The following PKD2L2 variants were observed in gnomAD, a reference collection of about 807,000 sequenced individuals.
PKD2L2 encodes polycystin-2-like protein 2.
In PKD2L2, 67 loss-of-function variants were observed where a neutral mutation model predicts 83.9. The observed-to-expected ratio is 0.80, with a 90% CI of 0.66 to 0.98. The LOEUF (loss-of-function observed/expected upper bound fraction) is 0.98, where lower values mean the gene tolerates loss of function less well. Among genes scored for constraint, PKD2L2 ranks in the 50% least tolerant of loss-of-function variants. PKD2L2 has a pLI of 0.00. For missense variants in PKD2L2, 632 were observed against 717.2 expected (o/e 0.88, Z 1.36); for synonymous variants, 223 against 237.8 (o/e 0.94, Z 0.57).
chr5:137,922,748 A>C (rs1208674265), intron 9 of PKD2L2, among the ~76,000 whole-genome samples: 1 of 152,070 alleles, frequency 6.6e-6, no homozygotes, highest in East Asian at 1.9e-4. Context: ...AAAAACAAAC[A>C]AAAAAATGCC....
chr5:137,941,928 G>C lies in PKD2L2; in HGVS notation c.*18-456G>C, dbSNP rs777539433. The C allele has an allele frequency of 1.9e-6, 3 of 1,594,580 alleles. No homozygotes were observed. The East Asian group carries it at 6.7e-5, about 36-fold the overall frequency. On this transcript the variant is annotated intron_variant, in intron 14 of 14. Coordinates refer to ENST00000508883, the MANE Select transcript of PKD2L2 (RefSeq NM_001300921.2). Reference sequence around the variant, plus strand: ...TAGAGAAGAAAGATGACTCAATTTTGTGATGCTCAACAAACCTTCCATTTT... The same window carrying C: ...TAGAGAAGAAAGATGACTCAATTTTCTGATGCTCAACAAACCTTCCATTTT...
At chr5:137,922,985 G>A (rs190771973) in intron 9 of PKD2L2, among the ~76,000 whole-genome samples, 2 of 150,058 alleles carry the variant, frequency 1.3e-5, no homozygotes, top group African/African-American at 2.4e-5. Flanking sequence ...TTTAAAATTT[G>A]ATTTTTTTTG....
rs1383177488 is a variant in PKD2L2 at position 137,921,742 on chromosome 5, T to C, written c.1435T>C (p.Phe479Leu). 1 of 1,606,334 alleles carries C rather than the reference T, an allele frequency of 6.2e-7. No individual in the cohort carries two copies. Among genetic ancestry groups the C allele is most frequent in the Non-Finnish European group, 8.5e-7 (1 of 1,175,168 alleles). Residue 479 changes from phenylalanine (F) to leucine (L), a missense_variant, in exon 9 of 15, where the codon TTC (phenylalanine) becomes CTC (leucine). By Grantham distance (22) the Phe-to-Leu change is conservative. Around this residue, in one of 3 missense-constraint regions of PKD2L2, gnomAD observed 399 missense variants for 416.9 expected, o/e 0.96. Transcript: ENST00000508883. The part of the protein sequence containing the change: ...IYFITFIFFV[F>L]FVLLNMFLAI... ...CTTCATCACTTTCATCTTTTTTGTGTTCTTTGTCCTGCTGGTAAGAATAAT... is the reference window on the plus strand; with the variant it reads ...CTTCATCACTTTCATCTTTTTTGTGCTCTTTGTCCTGCTGGTAAGAATAAT...
chr5:137,929,872 A>G (rs1759721966), intron 12 of PKD2L2, among the ~76,000 whole-genome samples: 1 of 152,178 alleles, frequency 6.6e-6, no homozygotes, highest in African/African-American at 2.4e-5. Context: ...TCAAAGACCT[A>G]AAAGGCAAAC....
intron 5 of PKD2L2, among the ~76,000 whole-genome samples, chr5:137,905,878 G>T (rs756621934): frequency 2.0e-5 from 3 of 151,968 alleles, no homozygotes; most frequent in Admixed American, 6.6e-5. Context: ...TCATTCTCCT[G>T]TGGACATAAA....
At chr5:137,892,426 T>G in intron 2 of PKD2L2, 54 bp from the exon 3 acceptor site, 1 of 1,018,548 alleles carries the variant, frequency 9.8e-7, no homozygotes, top group East Asian at 2.9e-5. Flanking sequence ...TTTTTAATCC[T>G]GATAAGCTGA....
chr5:137,929,976 T>G (rs2150057365), intron 12 of PKD2L2, among the ~76,000 whole-genome samples: 1 of 152,284 alleles, frequency 6.6e-6, no homozygotes, highest in East Asian at 1.9e-4. Flanking sequence ...GAGGCTAAGA[T>G]TAATTTTATC....
At chr5:137,913,015 G>A (rs1182672265) in intron 8 of PKD2L2, among the ~76,000 whole-genome samples, 2 of 150,390 alleles carry the variant, frequency 1.3e-5, no homozygotes, top group Non-Finnish European at 3.0e-5. Context: ...TGTTGGTCAG[G>A]CCGGTCTCAA....
intron 11 of PKD2L2, 95 bp downstream of exon 11, chr5:137,925,199 T>C: frequency 1.2e-6 from 1 of 806,010 alleles, no homozygotes; most frequent in Middle Eastern, 2.9e-4. Flanking sequence ...TGTTTGTTTG[T>C]TTGTTTTAAA....
chr5:137,910,061 A>G (rs1286740357), intron 8 of PKD2L2, among the ~76,000 whole-genome samples: 1 of 151,854 alleles, frequency 6.6e-6, no homozygotes, highest in East Asian at 1.9e-4. Flanking sequence ...CGTTTCTACA[A>G]AAAAACAAAA....
At chr5:137,937,441 G>C (rs1045501420) in intron 14 of PKD2L2, among the ~76,000 whole-genome samples, 12 of 152,192 alleles carry the variant, frequency 7.9e-5, no homozygotes, top group Non-Finnish European at 1.3e-4. Context: ...TGGAGGGTTG[G>C]AAAGTTGTGT....
Position 137,894,585 on chromosome 5 carries a change from A to ATTTTG in PKD2L2, c.501_505dup (p.Gly169ValfsTer54). ...ACTTCTGCAAATGAAGACCTCTCTAATTTTGGCCTTCAAATTAATACTGAG... is the reference window on the plus strand; with the variant it reads ...ACTTCTGCAAATGAAGACCTCTCTAATTTTGTTTTGGCCTTCAAATTAATACTGAG... On this transcript the variant is annotated frameshift_variant, in exon 4 of 15. Coordinates refer to ENST00000508883, the MANE Select transcript of PKD2L2 (RefSeq NM_001300921.2). LOFTEE classifies it high-confidence loss of function. The ATTTTG allele has an allele frequency of 1.2e-6, 2 of 1,612,136 alleles. No homozygotes were observed. Among genetic ancestry groups the ATTTTG allele is most frequent in the Non-Finnish European group, 8.5e-7 (1 of 1,178,650 alleles).
intron 12 of PKD2L2, among the ~76,000 whole-genome samples, chr5:137,928,894 C>T (rs1212117387): frequency 1.3e-5 from 2 of 152,114 alleles, no homozygotes; most frequent in South Asian, 2.1e-4. Context: ...GATTTTAAAA[C>T]ACATTTTTTT....
At chr5:137,901,414 A>C (rs894767413) in intron 5 of PKD2L2, among the ~76,000 whole-genome samples, 2 of 151,700 alleles carry the variant, frequency 1.3e-5, no homozygotes, top group Middle Eastern at 3.2e-3. Context: ...TATTCTGGAA[A>C]AAAAAAAATG....
intron 13 of PKD2L2, 37 bp downstream of exon 13, chr5:137,935,946 C>A: frequency 8.9e-7 from 1 of 1,118,122 alleles, no homozygotes; most frequent in Non-Finnish European, 1.4e-6. Context: ...TATGGGATAT[C>A]ATGACATGCG....
intron 8 of PKD2L2, among the ~76,000 whole-genome samples, chr5:137,912,713 A>G (rs940961679): frequency 1.3e-5 from 2 of 149,916 alleles, no homozygotes; most frequent in African/African-American, 2.5e-5. Context: ...ATTTTTTCAT[A>G]TATCTATTGG....
At chr5:137,941,852 A>G in intron 14 of PKD2L2, 2 of 1,097,930 alleles carry the variant, frequency 1.8e-6, no homozygotes, top group Non-Finnish European at 2.7e-6. Context: ...TATATGCACA[A>G]TTTCTAATCC....
At chr5:137,889,622 GA>G in intron 1 of PKD2L2, 100 bp downstream of exon 1, 2 of 1,027,092 alleles carry the variant, frequency 1.9e-6, no homozygotes, top group Non-Finnish European at 2.7e-6. Flanking sequence ...TGAGAGATGT[GA>G]CTGCCGACAC....
chr5:137,906,293 T>A lies in PKD2L2; in HGVS notation c.834T>A (p.Tyr278Ter). The change falls in exon 6 of 15, where the codon TAT (tyrosine) becomes TAA (stop). Residue 278 changes from tyrosine (Y) to a stop codon, truncating the protein, a stop_gained. Coordinates refer to ENST00000508883, the MANE Select transcript of PKD2L2 (RefSeq NM_001300921.2). LOFTEE classifies it high-confidence loss of function. ...AGCTCCTCAGATATGTTAGCTACTA[T>A]GACTATTTTATTGCTTCCTGTGAAA... ...SVKLLRYVSYYDYFIASCEIT... is the reference protein window; with the variant it reads ...SVKLLRYVSY 1 of 1,611,090 alleles carries A rather than the reference T, an allele frequency of 6.2e-7. No homozygotes were observed. Among genetic ancestry groups the A allele is most frequent in the South Asian group, 1.1e-5 (1 of 90,994 alleles).
Sources: gnomAD v4.1 joint callset for allele counts (sites outside exome capture counted in the v4.1 genomes callset) on GRCh38, gnomAD v4.1.1 for gene constraint, gnomAD v4.1.1 regional missense constraint, MANE v1.5 for transcripts, NCBI Gene and HGNC (gene_info 2026-07-23, HGNC 2026-07-21) for gene names.